The following HDAC9 variants were observed in gnomAD, a reference collection of about 807,000 sequenced individuals.
The protein encoded by HDAC9 is histone deacetylase 9, also known as MEF-2 interacting transcription repressor (MITR) protein.
A neutral mutation model predicts 139.4 loss-of-function variants in HDAC9; 41 were observed. The ratio of observed to expected loss-of-function variants is 0.29; its 90% CI spans 0.23 to 0.38. The LOEUF is 0.38. Among genes scored for constraint, HDAC9 ranks in the 10% least tolerant of loss-of-function variants. HDAC9 has a pLI of 1.00. For missense variants in HDAC9, 1,147 were observed against 1,297.0 expected (o/e 0.88, Z 1.78); for synonymous variants, 517 against 476.2 (o/e 1.09, Z -1.12).
At chr7:18,963,686 G>T (rs1393170132) in intron 24 of HDAC9, among the ~76,000 whole-genome samples, 1 of 152,052 alleles carries the variant, frequency 6.6e-6, no homozygotes. Flanking sequence ...AAACTCCTAT[G>T]GATAAAGAAT....
At chr7:18,738,994 C>T (rs1415511517) in intron 13 of HDAC9, among the ~76,000 whole-genome samples, 1 of 152,146 alleles carries the variant, frequency 6.6e-6, no homozygotes, top group Non-Finnish European at 1.5e-5. Flanking sequence ...TGTCTTCTCA[C>T]TTCATTTCAT....
intron 1 of HDAC9, among the ~76,000 whole-genome samples, chr7:18,456,911 C>T (rs1049827504): frequency 2.6e-5 from 4 of 152,112 alleles, no homozygotes; most frequent in Admixed American, 6.5e-5. Context: ...CTCACATAAA[C>T]GATGGCCCTG....
chr7:18,482,812 C>A (rs1034233418), intron 1 of HDAC9, among the ~76,000 whole-genome samples: 2 of 152,144 alleles, frequency 1.3e-5, no homozygotes, highest in African/African-American at 4.8e-5. Context: ...TGGCTTGCTG[C>A]CCTCTCTGGT....
intron 21 of HDAC9, among the ~76,000 whole-genome samples, chr7:18,861,036 G>T (rs1798065783): frequency 6.6e-6 from 1 of 152,116 alleles, no homozygotes; most frequent in South Asian, 2.1e-4. Context: ...TAATGCTTAT[G>T]AAACCAAATA....
intron 22 of HDAC9, among the ~76,000 whole-genome samples, chr7:18,890,505 T>C (rs74929532): frequency 7.2e-5 from 11 of 152,298 alleles, no homozygotes; most frequent in Non-Finnish European, 1.3e-4. Context: ...CAAGCACACG[T>C]AAATAGTACA....
At position 18,876,773 on chromosome 7, in the gene HDAC9, G is replaced by T. The variant is rs1029083661; in HGVS notation, c.2803+2177G>T. ...GCTGGAGCACAGTGGGATGATCTCG[G>T]CTCACTACAACCTCTGCCTCCCGGG... On this transcript the variant is annotated intron_variant, in intron 22 of 25. Transcript: ENST00000686413. Among the ~76,000 whole-genome samples, 6 of 151,622 alleles carry T rather than the reference G, an allele frequency of 4.0e-5. No homozygotes were observed. The South Asian group carries it at 1.3e-3, about 32-fold the overall frequency.
intron 21 of HDAC9, among the ~76,000 whole-genome samples, chr7:18,844,097 A>G (rs1407606700): frequency 2.0e-5 from 3 of 152,154 alleles, no homozygotes; most frequent in Non-Finnish European, 4.4e-5. Context: ...ATAAATCAAC[A>G]TCTGTTTTCG....
chr7:18,693,405 A>T (rs536789384), intron 12 of HDAC9, among the ~76,000 whole-genome samples: 4 of 152,336 alleles, frequency 2.6e-5, no homozygotes, highest in South Asian at 4.1e-4. Context: ...TACTCTTCCT[A>T]TTTTAAGAAG....
intron 2 of HDAC9, among the ~76,000 whole-genome samples, chr7:18,554,773 T>A (rs1250804579): frequency 1.3e-5 from 2 of 152,186 alleles, no homozygotes; most frequent in Admixed American, 6.5e-5. Flanking sequence ...CAAGAAGCCC[T>A]CATGAGCTTT....
chr7:18,590,325 C>T lies in HDAC9; in HGVS notation c.265-11C>T. The T allele has an allele frequency of 1.2e-6, 2 of 1,611,928 alleles. No homozygotes were observed. The highest frequency in any genetic ancestry group is 1.7e-6 in the Non-Finnish European group (2 of 1,179,012). ...AAATTGCACACTCTCATGTCTTTCTCTTCTCGCAAGTTGCAACAGGAACTT... is the reference window on the plus strand; with the variant it reads ...AAATTGCACACTCTCATGTCTTTCTTTTCTCGCAAGTTGCAACAGGAACTT... On this transcript the variant is annotated splice_polypyrimidine_tract_variant and intron_variant, in intron 3 of 25. Transcript: ENST00000686413.
At chr7:18,645,832 G>A (rs561469266) in intron 9 of HDAC9, among the ~76,000 whole-genome samples, 1 of 152,212 alleles carries the variant, frequency 6.6e-6, no homozygotes, top group African/African-American at 2.4e-5. Flanking sequence ...TCACTTGTAT[G>A]TTCAACACAT....
chr7:18,453,246 C>G (rs577172666), intron 1 of HDAC9, among the ~76,000 whole-genome samples: 16 of 152,066 alleles, frequency 1.1e-4, no homozygotes, highest in Admixed American at 2.6e-4. Context: ...ATTTCTTATA[C>G]TGTATTAATT....
chr7:18,351,418 C>T (rs1782837580), intron 1 of HDAC9, among the ~76,000 whole-genome samples: 1 of 151,808 alleles, frequency 6.6e-6, no homozygotes, highest in Non-Finnish European at 1.5e-5. Flanking sequence ...TTTAAGTTTC[C>T]TATGTGTTAT....
chr7:18,893,186 A>T (rs1156270401), intron 22 of HDAC9, among the ~76,000 whole-genome samples: 1 of 152,174 alleles, frequency 6.6e-6, no homozygotes, highest in African/African-American at 2.4e-5. Context: ...CAGTAGTGTC[A>T]AAAAGCAGAG....
intron 2 of HDAC9, among the ~76,000 whole-genome samples, chr7:18,541,512 T>G (rs989841667): frequency 3.3e-5 from 5 of 152,034 alleles, no homozygotes; most frequent in Non-Finnish European, 7.3e-5. Flanking sequence ...ATTTTATGTT[T>G]TTCTCTGGTT....
chr7:18,925,664 T>A (rs1010405362), intron 22 of HDAC9, among the ~76,000 whole-genome samples: 1 of 151,916 alleles, frequency 6.6e-6, no homozygotes, highest in African/African-American at 2.4e-5. Flanking sequence ...TCCATACACC[T>A]ATGTAAGCAA....
At position 18,699,218 on chromosome 7, in the gene HDAC9, A is replaced by G. The variant is rs61370931; in HGVS notation, c.1732-28362A>G. ...CATAATTATGTTTTAAGCTTTGTGC[A>G]CAGTCAATAGAGGGTGATCCCATGG... On this transcript the variant is annotated intron_variant, in intron 12 of 25. Transcript: ENST00000686413. 2.6e-3 allele frequency among the ~76,000 whole-genome samples: 395 copies of G among 152,282 alleles called. 16 individuals are homozygous for G. The East Asian group carries it at 0.066, about 25-fold the overall frequency.
chr7:18,236,331 C>T (rs934543077), intron 2 of HDAC9, among the ~76,000 whole-genome samples: 3 of 152,148 alleles, frequency 2.0e-5, no homozygotes, highest in African/African-American at 7.2e-5. Flanking sequence ...GAGAAGAGCC[C>T]TATATCATCC....
At chr7:18,955,465 A>G (rs1009238014) in intron 24 of HDAC9, among the ~76,000 whole-genome samples, 2 of 152,144 alleles carry the variant, frequency 1.3e-5, no homozygotes, top group Non-Finnish European at 2.9e-5. Context: ...GTTTTTATAC[A>G]TATTATTATC....
Sources: gnomAD v4.1 joint callset for allele counts (sites outside exome capture counted in the v4.1 genomes callset) on GRCh38, gnomAD v4.1.1 for gene constraint, MANE v1.5 for transcripts, NCBI Gene and HGNC (gene_info 2026-07-23, HGNC 2026-07-21) for gene names.